The following ACOT7 variants were observed in gnomAD, a reference collection of about 807,000 sequenced individuals.
The protein encoded by ACOT7 is cytosolic acyl coenzyme A thioester hydrolase.
ACOT7 carries 12 observed loss-of-function variants against 40.2 expected under a neutral mutation model. The ratio of observed to expected loss-of-function variants is 0.30; its 90% CI spans 0.19 to 0.48. The LOEUF is 0.48. ACOT7 is among the 20% of genes least tolerant of loss of function. The probability of loss-of-function intolerance (pLI) is 0.99; values close to 1 mark genes in which losing one functional copy is unlikely to be tolerated. For synonymous variants in ACOT7, 228 were observed against 219.5 expected (o/e 1.04, Z -0.34); for missense variants, 395 against 530.8 (o/e 0.74, Z 2.51).
At chr1:6,332,551 C>T (rs1254326728) in intron 4 of ACOT7, among the ~76,000 whole-genome samples, 2 of 152,324 alleles carry the variant, frequency 1.3e-5, no homozygotes, top group Admixed American at 1.3e-4. Flanking sequence ...CGCAGTGGTT[C>T]ACACCTGTAA....
intron 1 of ACOT7, among the ~76,000 whole-genome samples, chr1:6,363,216 G>A (rs6693811): frequency 0.071 from 10,885 of 152,242 alleles, 478 homozygotes; most frequent in Non-Finnish European, 0.097. Context: ...TGTTATGCCC[G>A]GACAGGGCCA....
chr1:6,272,971 G>A lies in ACOT7; in HGVS notation c.1014+8131C>T, dbSNP rs1208025077. On this transcript the variant is annotated intron_variant, in intron 8 of 8. Transcript: ENST00000361521. ...ATCTGACAGCAGTGGGGACAGAGAG[G>A]CCCCAAGGCTCCATCCCACACTCTG... 2.0e-5 allele frequency among the ~76,000 whole-genome samples: 3 copies of A among 152,222 alleles called. No homozygotes were observed. In the East Asian group the frequency reaches 5.8e-4, roughly 29 times the overall value.
At chr1:6,283,654 A>C (rs12073007) in intron 7 of ACOT7, among the ~76,000 whole-genome samples, 11,671 of 152,308 alleles carry the variant, frequency 0.077, 723 homozygotes, top group African/African-American at 0.16. Flanking sequence ...AACAAAAAGA[A>C]GAGAATGCTG....
rs1312794060 is a variant in ACOT7, at chr1:6,264,465, G to A, written c.*132C>T. The A allele has an allele frequency of 1.4e-5, 10 of 737,258 alleles. No individual in the cohort carries two copies. The highest frequency in any genetic ancestry group is 2.2e-5 in the Non-Finnish European group (10 of 453,444). 45.7% of individuals were successfully genotyped at this position (737,258 alleles called of 1,614,324 possible). A position where few individuals can be genotyped will look rare whatever the true frequency, so the allele number is the denominator to read the frequency against. On this transcript the variant is annotated 3_prime_UTR_variant, in exon 9 of 9. Coordinates refer to ENST00000361521, the MANE Select transcript of ACOT7 (RefSeq NM_007274.4). Reference sequence around the variant, plus strand: ...AGGAGAGAGTACAGGTTAACACTGTGATACGAAAACTTCAGACAACACCAG... The same window carrying A: ...AGGAGAGAGTACAGGTTAACACTGTAATACGAAAACTTCAGACAACACCAG...
rs1464313769 is a variant in ACOT7 at position 6,381,040 on chromosome 1, C to A, written c.143+12217G>T. Among the ~76,000 whole-genome samples the A allele has an allele frequency of 6.6e-5, 10 of 151,418 alleles. No individual in the cohort carries two copies. The South Asian group carries it at 1.9e-3, about 28-fold the overall frequency. Reference sequence around the variant, plus strand: ...CTCCTAAAACGCAACAATAAAAAAACCAACCATACACATTGCATTCATGTA... The same window carrying A: ...CTCCTAAAACGCAACAATAAAAAAAACAACCATACACATTGCATTCATGTA... On this transcript the variant is annotated intron_variant, in intron 1 of 8. Coordinates refer to ENST00000361521, the MANE Select transcript of ACOT7 (RefSeq NM_007274.4).
At chr1:6,272,432 C>A (rs569819068) in intron 8 of ACOT7, among the ~76,000 whole-genome samples, 1 of 152,328 alleles carries the variant, frequency 6.6e-6, no homozygotes, top group African/African-American at 2.4e-5. Flanking sequence ...GCAACAGTGA[C>A]AAAGATGAGA....
Position 6,288,699 on chromosome 1 carries a change from G to T in ACOT7, c.829+6165C>A, listed in dbSNP as rs1376397404. ...AGTCTGGTTCATAAATGCCAAATTT[G>T]CAGCCAACAGAGCTGGGCCCACGGC... On this transcript the variant is annotated intron_variant, in intron 7 of 8. Coordinates refer to ENST00000361521, the MANE Select transcript of ACOT7 (RefSeq NM_007274.4). The surrounding 1 kb of genome is among the most constrained non-coding windows in gnomAD (Gnocchi z 4.3). Among the ~76,000 whole-genome samples the T allele has an allele frequency of 1.3e-5, 2 of 152,244 alleles. No individual in the cohort carries two copies. Among genetic ancestry groups the T allele is most frequent in the Non-Finnish European group, 2.9e-5 (2 of 68,048 alleles).
Position 6,275,870 on chromosome 1 carries a change from C to T in ACOT7, c.1014+5232G>A, listed in dbSNP as rs974195457. On this transcript the variant is annotated intron_variant, in intron 8 of 8. Coordinates refer to ENST00000361521, the MANE Select transcript of ACOT7 (RefSeq NM_007274.4). The surrounding 1 kb of genome is among the most constrained non-coding windows in gnomAD (Gnocchi z 5.6). ...TGTGTGTTCATGAGCACCAGAGAGACCCTCTGGGATGGGCTCCCTCCAGTT... is the reference window on the plus strand; with the variant it reads ...TGTGTGTTCATGAGCACCAGAGAGATCCTCTGGGATGGGCTCCCTCCAGTT... Among the ~76,000 whole-genome samples, 14 of 152,166 alleles carry T rather than the reference C, an allele frequency of 9.2e-5. No homozygotes were observed. Among genetic ancestry groups the T allele is most frequent in the Non-Finnish European group, 1.5e-4 (10 of 68,034 alleles).
At chr1:6,307,320 G>T (rs1414582427) in intron 6 of ACOT7, among the ~76,000 whole-genome samples, 1 of 152,266 alleles carries the variant, frequency 6.6e-6, no homozygotes, top group African/African-American at 2.4e-5. Context: ...ACAGTCCGCA[G>T]TCCTTCCCAC....
intron 2 of ACOT7, among the ~76,000 whole-genome samples, chr1:6,348,105 C>G (rs1354698809): frequency 2.0e-5 from 3 of 151,842 alleles, no homozygotes; most frequent in Non-Finnish European, 4.4e-5. Flanking sequence ...CCACCCTCCC[C>G]ACAGCCACCA....
intron 1 of ACOT7, among the ~76,000 whole-genome samples, chr1:6,374,095 T>C (rs1642181086): frequency 6.6e-6 from 1 of 152,242 alleles, no homozygotes; most frequent in Non-Finnish European, 1.5e-5. Flanking sequence ...GCACTTACTC[T>C]GGGCAAGTTT....
chr1:6,349,973 G>A (rs1641543732), intron 1 of ACOT7, 107 bp from the exon 2 acceptor site: 3 of 1,084,390 alleles, frequency 2.8e-6, no homozygotes, highest in South Asian at 1.4e-5. Flanking sequence ...ATGGCTCCCG[G>A]AGGAAAGAGA....
chr1:6,368,572 C>T (rs535323368), intron 1 of ACOT7, among the ~76,000 whole-genome samples: 9 of 152,216 alleles, frequency 5.9e-5, no homozygotes, highest in South Asian at 2.1e-4. Context: ...AGCCTGGCCC[C>T]GTTGTGGTGG....
At position 6,278,471 on chromosome 1, in the gene ACOT7, G is replaced by A. The variant is rs368351678; in HGVS notation, c.1014+2631C>T. On this transcript the variant is annotated intron_variant, in intron 8 of 8. Coordinates refer to ENST00000361521, the MANE Select transcript of ACOT7 (RefSeq NM_007274.4). This position sits in a 1 kb window ranked among gnomAD's most constrained non-coding sequence, Gnocchi z 4.1. ...AGGAGTGGAGCGGCACTGGGTGGGC[G>A]TGGGCATGGGGGGAGTAGGGAGGAG... 1.8e-4 allele frequency among the ~76,000 whole-genome samples: 27 copies of A among 152,296 alleles called. No homozygotes were observed. Among genetic ancestry groups the A allele is most frequent in the Non-Finnish European group, 2.9e-4 (20 of 68,014 alleles).
intron 6 of ACOT7, among the ~76,000 whole-genome samples, chr1:6,303,566 G>A (rs186270281): frequency 1.3e-5 from 2 of 152,284 alleles, no homozygotes; most frequent in African/African-American, 2.4e-5. Flanking sequence ...CCCGTGTGCC[G>A]CTGTCTGTTC....
At chr1:6,271,300 G>A (rs994541802) in intron 8 of ACOT7, among the ~76,000 whole-genome samples, 13 of 152,202 alleles carry the variant, frequency 8.5e-5, no homozygotes, top group Admixed American at 8.5e-4. Context: ...AATGAATGGC[G>A]TAAAAAGGGT....
chr1:6,310,607 C>T (rs1284759975), intron 6 of ACOT7, among the ~76,000 whole-genome samples: 1 of 152,190 alleles, frequency 6.6e-6, no homozygotes, highest in Non-Finnish European at 1.5e-5. Flanking sequence ...GTTTCTGAGG[C>T]CCCTGAATCA....
chr1:6,386,414 A>AGCAGCCCCAAAACAGTCAGGTG (rs1230081663), intron 1 of ACOT7, among the ~76,000 whole-genome samples: 1 of 152,178 alleles, frequency 6.6e-6, no homozygotes, highest in Non-Finnish European at 1.5e-5. Flanking sequence ...GTCCCCATCA[A>AGCAGCCCCAAAACAGTCAGGTG]GCAGCCCCAA....
chr1:6,284,501 G>A (rs193220754), intron 7 of ACOT7, among the ~76,000 whole-genome samples: 33 of 151,288 alleles, frequency 2.2e-4, no homozygotes, highest in Non-Finnish European at 4.1e-4. Context: ...GCCTGAACCC[G>A]GGAGGCGCAG....
Sources: gnomAD v4.1 joint callset for allele counts (sites outside exome capture counted in the v4.1 genomes callset) on GRCh38, gnomAD v4.1.1 for gene constraint, Gnocchi (gnomAD v3.1) non-coding constraint, MANE v1.5 for transcripts, NCBI Gene and HGNC (gene_info 2026-07-23, HGNC 2026-07-21) for gene names.